Variants in ADK observed in about 807,000 individuals in gnomAD.
ADK encodes the protein adenosine kinase, also known as N6,N6-dimethyladenosine kinase.
Under a neutral mutation model 44.7 loss-of-function variants are expected in ADK, and 24 were observed. The observed-to-expected ratio is 0.54, with a 90% CI of 0.39 to 0.76. ADK has a LOEUF of 0.76. ADK is among the 30% of genes least tolerant of loss of function. ADK has a pLI of 0.00. For synonymous variants in ADK, 128 were observed against 142.6 expected, an observed-to-expected ratio of 0.90 and a Z score of 0.73; for missense variants, 321 against 425.1, an observed-to-expected ratio of 0.76 and a Z score of 2.15.
chr10:74,552,016 T>TTGTTTTG (rs749291443), intron 7 of ADK, among the ~76,000 whole-genome samples: 9 of 141,830 alleles, frequency 6.3e-5, no homozygotes, highest in East Asian at 4.3e-4. Flanking sequence ...GTTTTTTGTA[T>TTGTTTTG]TATTATTATT....
chr10:74,197,009 C>T (rs1843178996), intron 1 of ADK, among the ~76,000 whole-genome samples: 1 of 152,148 alleles, frequency 6.6e-6, no homozygotes, highest in Non-Finnish European at 1.5e-5. Flanking sequence ...AGGCTTCTAG[C>T]ACCTTCTTCA....
At chr10:74,405,381 T>TC (rs997902251) in intron 6 of ADK, among the ~76,000 whole-genome samples, 19 of 151,554 alleles carry the variant, frequency 1.3e-4, no homozygotes, top group Non-Finnish European at 2.1e-4. Context: ...TTTTTTTTTT[T>TC]CAAATGTGAA....
intron 4 of ADK, among the ~76,000 whole-genome samples, chr10:74,316,918 C>T (rs1840642770): frequency 6.6e-6 from 1 of 151,992 alleles, no homozygotes; most frequent in African/African-American, 2.4e-5. Flanking sequence ...ATTTCACATT[C>T]ATTCTAACAA....
rs75910577 is a variant in ADK, at chr10:74,279,757, A to T, written c.195-34910A>T. 1.7e-3 allele frequency among the ~76,000 whole-genome samples: 264 copies of T among 151,626 alleles called. 1 individual carries two copies. Among genetic ancestry groups the T allele is most frequent in the African/African-American group, 5.4e-3 (223 of 41,324 alleles). On this transcript the variant is annotated intron_variant, in intron 3 of 10. Coordinates refer to ENST00000539909, the MANE Select transcript of ADK (RefSeq NM_006721.4). ...TCTTGTTTAAAAACATTTGTGGCCAAGTGAAGTGCTCAGGTCTGTAATCCC... is the reference window on the plus strand; with the variant it reads ...TCTTGTTTAAAAACATTTGTGGCCATGTGAAGTGCTCAGGTCTGTAATCCC...
At chr10:74,220,137 A>G (rs1411696239) in intron 2 of ADK, among the ~76,000 whole-genome samples, 1 of 152,132 alleles carries the variant, frequency 6.6e-6, no homozygotes, top group Non-Finnish European at 1.5e-5. Context: ...ACTAATAAAG[A>G]AAAAAAGAAA....
chr10:74,406,771 C>T lies in ADK; in HGVS notation c.555+8192C>T, dbSNP rs553328053. 1.1e-4 allele frequency among the ~76,000 whole-genome samples: 17 copies of T among 152,090 alleles called. No homozygotes were observed. The East Asian group carries it at 2.9e-3, about 26-fold the overall frequency. On this transcript the variant is annotated intron_variant, in intron 6 of 10. Transcript: ENST00000539909. Reference sequence around the variant, plus strand: ...TCTTGGCTCACTGCAACCCCCGCCTCCTGGGTTCAAGTGATTCTCCTGCCT... The same window carrying T: ...TCTTGGCTCACTGCAACCCCCGCCTTCTGGGTTCAAGTGATTCTCCTGCCT...
chr10:74,180,272 C>G (rs1842491703), intron 1 of ADK, among the ~76,000 whole-genome samples: 1 of 149,866 alleles, frequency 6.7e-6, no homozygotes, highest in South Asian at 2.1e-4. Flanking sequence ...GTGTCTTGCT[C>G]TGTCGCCCAG....
chr10:74,544,886 TTTTC>T (rs903639006), intron 7 of ADK, among the ~76,000 whole-genome samples: 2 of 151,482 alleles, frequency 1.3e-5, no homozygotes, highest in African/African-American at 2.4e-5. Flanking sequence ...CCGAGGAGTT[TTTTC>T]TTTCTTTCTT....
chr10:74,362,396 T>C lies in ADK; in HGVS notation c.274-31745T>C, dbSNP rs530294401. On this transcript the variant is annotated intron_variant, in intron 4 of 10. Transcript: ENST00000539909. ...TTTTTTTTTTTAGTTGCAGGATTTC[T>C]GGTTTTTTAAAAAAGTTATTTGAGT... Among the ~76,000 whole-genome samples the C allele has an allele frequency of 5.3e-5, 8 of 152,052 alleles. 1 individual carries two copies. The South Asian group carries it at 1.2e-3, about 24-fold the overall frequency.
chr10:74,202,204 T>C lies in ADK; in HGVS notation c.140+1366T>C, dbSNP rs11593868. 8.9e-3 allele frequency among the ~76,000 whole-genome samples: 1,351 copies of C among 152,332 alleles called. 14 individuals carry two copies. Among genetic ancestry groups the C allele is most frequent in the Non-Finnish European group, 0.014 (958 of 68,032 alleles). On this transcript the variant is annotated intron_variant, in intron 2 of 10. Coordinates refer to ENST00000539909, the MANE Select transcript of ADK (RefSeq NM_006721.4). ...GAATCATATAATAATATATGATCTT[T>C]TGTGTTTATATATATGACCTTTTGT...
intron 10 of ADK, among the ~76,000 whole-genome samples, chr10:74,685,905 A>G (rs1383388594): frequency 6.6e-6 from 1 of 151,874 alleles, no homozygotes; most frequent in Non-Finnish European, 1.5e-5. Context: ...TTTTGTAAGG[A>G]AGATATTATA....
At chr10:74,535,580 A>ATTT (rs748264198) in intron 7 of ADK, among the ~76,000 whole-genome samples, 19 of 129,510 alleles carry the variant, frequency 1.5e-4, no homozygotes, top group African/African-American at 4.0e-4. Context: ...TTTTGACCCT[A>ATTT]TTTTTTTTTT....
intron 3 of ADK, among the ~76,000 whole-genome samples, chr10:74,272,260 A>G (rs1462450062): frequency 1.3e-5 from 2 of 151,844 alleles, no homozygotes; most frequent in African/African-American, 2.4e-5. Flanking sequence ...TGTGATGAAA[A>G]CATTACAGAT....
intron 10 of ADK, among the ~76,000 whole-genome samples, chr10:74,699,912 G>A (rs1023933172): frequency 7.2e-5 from 11 of 152,054 alleles, no homozygotes; most frequent in Admixed American, 6.6e-4. Context: ...GTGGGGAAAT[G>A]GGCACTCTTA....
intron 6 of ADK, among the ~76,000 whole-genome samples, chr10:74,420,997 G>A (rs1198184175): frequency 6.6e-6 from 1 of 152,142 alleles, no homozygotes; most frequent in Non-Finnish European, 1.5e-5. Flanking sequence ...ATTTGTTAAA[G>A]CCCAAAGAAC....
At chr10:74,363,476 G>T (rs1195019822) in intron 4 of ADK, among the ~76,000 whole-genome samples, 2 of 152,308 alleles carry the variant, frequency 1.3e-5, no homozygotes, top group East Asian at 1.9e-4. Context: ...GCTCAGATGG[G>T]CGTATGTCTC....
intron 4 of ADK, among the ~76,000 whole-genome samples, chr10:74,316,849 G>C (rs947537294): frequency 2.0e-5 from 3 of 151,564 alleles, no homozygotes; most frequent in Non-Finnish European, 4.4e-5. Flanking sequence ...CCTGATATTA[G>C]TCTCATAATA....
At chr10:74,216,732 A>AAT (rs546075201) in intron 2 of ADK, among the ~76,000 whole-genome samples, 1 of 151,414 alleles carries the variant, frequency 6.6e-6, no homozygotes, top group African/African-American at 2.4e-5. Flanking sequence ...CTCAAAAAAA[A>AAT]AAATAAAAAA....
chr10:74,598,413 G>A (rs1056118416), intron 8 of ADK, among the ~76,000 whole-genome samples: 7 of 147,626 alleles, frequency 4.7e-5, no homozygotes, highest in African/African-American at 1.7e-4. Flanking sequence ...TCACAGGGTT[G>A]GTAGAAAGCA....
Sources: gnomAD v4.1 joint callset for allele counts (sites outside exome capture counted in the v4.1 genomes callset) on GRCh38, gnomAD v4.1.1 for gene constraint, MANE v1.5 for transcripts, NCBI Gene and HGNC (gene_info 2026-07-23, HGNC 2026-07-21) for gene names.